Variants in USH2A observed in about 807,000 individuals in gnomAD.
The protein encoded by USH2A is usherin, also known as Usher syndrome 2A (autosomal recessive, mild).
Under a neutral mutation model 538.9 loss-of-function variants are expected in USH2A, and 443 were observed. The observed-to-expected ratio is 0.82, with a 90% CI of 0.76 to 0.89. The LOEUF is 0.89. Among genes scored for constraint, USH2A ranks in the 40% least tolerant of loss-of-function variants. The pLI is 0.00. For missense variants in USH2A, 6,633 were observed against 6,324.8 expected (o/e 1.05, Z -1.65); for synonymous variants, 2,413 against 2,273.5 (o/e 1.06, Z -1.75).
At chr1:215,881,149 C>CT (rs200532199) in intron 41 of USH2A, among the ~76,000 whole-genome samples, 238 of 151,326 alleles carry the variant, frequency 1.6e-3, no homozygotes, top group African/African-American at 5.4e-3. Context: ...CAAGTTTTTT[C>CT]TTTTTTTTTA....
intron 60 of USH2A, among the ~76,000 whole-genome samples, chr1:215,729,485 T>A (rs1435240215): frequency 1.3e-5 from 2 of 152,212 alleles, no homozygotes; most frequent in Non-Finnish European, 2.9e-5. Flanking sequence ...TATATGCCCA[T>A]CATTGTATTA....
At chr1:215,882,037 G>A (rs568315716) in intron 41 of USH2A, among the ~76,000 whole-genome samples, 69 of 152,266 alleles carry the variant, frequency 4.5e-4, no homozygotes, top group African/African-American at 1.6e-3. Flanking sequence ...ACACCCAAAA[G>A]CATAGTAAGC....
intron 60 of USH2A, among the ~76,000 whole-genome samples, chr1:215,733,319 T>C (rs2102718552): frequency 6.6e-6 from 1 of 152,264 alleles, no homozygotes; most frequent in Middle Eastern, 3.4e-3. Context: ...ATAAGGGATC[T>C]GACCCCATTA....
intron 15 of USH2A, 147 bp downstream of exon 15, chr1:216,217,240 C>T: frequency 1.1e-6 from 1 of 881,526 alleles, no homozygotes; most frequent in Non-Finnish European, 1.8e-6. Context: ...ATATTTCATT[C>T]AGTGTATTTT....
At chr1:216,165,940 G>GT (rs543873587) in intron 21 of USH2A, among the ~76,000 whole-genome samples, 17 of 151,640 alleles carry the variant, frequency 1.1e-4, no homozygotes, top group Non-Finnish European at 2.5e-4. Flanking sequence ...CCAATGTGTA[G>GT]TTTTTTTTAT....
At chr1:216,110,063 C>T (rs751706559) in intron 21 of USH2A, among the ~76,000 whole-genome samples, 18 of 152,118 alleles carry the variant, frequency 1.2e-4, no homozygotes, top group Non-Finnish European at 7.4e-5. Context: ...TTAAGCCAGA[C>T]ATTTTCTCTT....
chr1:215,658,535 C>T (rs752182995), intron 64 of USH2A, among the ~76,000 whole-genome samples: 6 of 152,104 alleles, frequency 3.9e-5, no homozygotes, highest in African/African-American at 1.4e-4. Flanking sequence ...GACATAAAAG[C>T]CCAAACTCTT....
chr1:215,869,576 G>A (rs1279336418), intron 43 of USH2A, among the ~76,000 whole-genome samples: 1 of 152,092 alleles, frequency 6.6e-6, no homozygotes, highest in African/African-American at 2.4e-5. Flanking sequence ...TTGAACCAGC[G>A]ACCTTGGCTT....
intron 70 of USH2A, chr1:215,630,225 G>A (rs1425102499): frequency 2.2e-6 from 1 of 461,498 alleles, no homozygotes; most frequent in Non-Finnish European, 4.4e-6. Context: ...GGGTGACATT[G>A]CTTGACACAT....
At chr1:216,411,123 C>T (rs1169122806) in intron 3 of USH2A, among the ~76,000 whole-genome samples, 2 of 152,046 alleles carry the variant, frequency 1.3e-5, no homozygotes, top group Non-Finnish European at 1.5e-5. Flanking sequence ...TTCTCTTTAA[C>T]ACATAGCCTC....
chr1:216,272,690 G>A (rs971616981), intron 11 of USH2A, among the ~76,000 whole-genome samples: 1 of 152,022 alleles, frequency 6.6e-6, no homozygotes, highest in Non-Finnish European at 1.5e-5. Flanking sequence ...GAAAAATGCT[G>A]GTGCTGGGGT....
Position 216,078,170 on chromosome 1 carries a change from G to A in USH2A, c.5491C>T (p.Leu1831=). The A allele has an allele frequency of 6.2e-7, 1 of 1,613,694 alleles. No individual in the cohort carries two copies. The highest frequency in any genetic ancestry group is 8.5e-7 in the Non-Finnish European group (1 of 1,179,768). ...KHASESGDQP[L]VVNSPVYVGG... Reference sequence around the variant, plus strand: ...ACATAAACTGGTGAATTCACCACCAGTGGCTGGTCTCCGGACTCCGATGCA... The same window carrying A: ...ACATAAACTGGTGAATTCACCACCAATGGCTGGTCTCCGGACTCCGATGCA... Residue 1831 remains leucine (L), a synonymous_variant, in exon 27 of 72, where the codon CTG becomes TTG. Coordinates refer to ENST00000307340, the MANE Select transcript of USH2A (RefSeq NM_206933.4).
At chr1:216,407,948 A>G (rs978431911) in intron 3 of USH2A, among the ~76,000 whole-genome samples, 2 of 152,038 alleles carry the variant, frequency 1.3e-5, no homozygotes, top group African/African-American at 4.8e-5. Context: ...ATCAGTGGAC[A>G]TTGGAACATA....
intron 30 of USH2A, among the ~76,000 whole-genome samples, chr1:216,054,361 T>C (rs79224956): frequency 0.01 from 1,564 of 152,224 alleles, 33 homozygotes; most frequent in African/African-American, 0.036. Flanking sequence ...ATATTAATAA[T>C]TGGAGGCAGC....
intron 52 of USH2A, among the ~76,000 whole-genome samples, chr1:215,783,254 T>C (rs1402767019): frequency 6.6e-6 from 1 of 152,204 alleles, no homozygotes; most frequent in Non-Finnish European, 1.5e-5. Context: ...CAAATTCATG[T>C]AGTTTTGATT....
intron 64 of USH2A, among the ~76,000 whole-genome samples, chr1:215,665,482 C>T (rs976414789): frequency 3.3e-5 from 5 of 152,026 alleles, no homozygotes; most frequent in African/African-American, 4.8e-5. Context: ...GGGGTGGTGG[C>T]GGGCCCTATC....
chr1:215,687,700 A>G (rs1444596258), intron 61 of USH2A, among the ~76,000 whole-genome samples: 1 of 152,244 alleles, frequency 6.6e-6, no homozygotes, highest in East Asian at 1.9e-4. Context: ...AAAAATGTGC[A>G]TACACTGTGA....
At chr1:216,049,029 T>A (rs1405623016) in intron 30 of USH2A, among the ~76,000 whole-genome samples, 1 of 152,182 alleles carries the variant, frequency 6.6e-6, no homozygotes, top group Non-Finnish European at 1.5e-5. Flanking sequence ...ACTATTTAAT[T>A]TTCTTTAACC....
At position 216,199,848 on chromosome 1, in the gene USH2A, GA is replaced by G. The variant is rs1553313810; in HGVS notation, c.3589del (p.Ser1197ProfsTer40). On this transcript the variant is annotated frameshift_variant, in exon 17 of 72. Coordinates refer to ENST00000307340, the MANE Select transcript of USH2A (RefSeq NM_206933.4). LOFTEE classifies it high-confidence loss of function. Reference sequence around the variant, plus strand: ...AGCTGAGGTTTCATGACCTTCGTAGGAAACACATGGCTGACCACCAGCCAAA... The same window carrying G: ...AGCTGAGGTTTCATGACCTTCGTAGGAACACATGGCTGACCACCAGCCAAA... Reference protein sequence around the residue: ...APLAGGQPCVSYEGHETSATI... With the variant: ...APLAGGQPCVXYEGHETSATI... 4.3e-6 allele frequency: 7 copies of G among 1,614,082 alleles called. No individual in the cohort carries two copies. The highest frequency in any genetic ancestry group is 5.9e-6 in the Non-Finnish European group (7 of 1,179,984).
Sources: gnomAD v4.1 joint callset for allele counts (sites outside exome capture counted in the v4.1 genomes callset) on GRCh38, gnomAD v4.1.1 for gene constraint, MANE v1.5 for transcripts, NCBI Gene and HGNC (gene_info 2026-07-23, HGNC 2026-07-21) for gene names.